Variants in ERC2 observed in about 807,000 individuals in gnomAD.
The protein encoded by ERC2 is ELKS/RAB6-interacting/CAST family member 2, also known as ERC protein 2.
ERC2 carries 42 observed loss-of-function variants against 114.8 expected under a neutral mutation model. The ratio of observed to expected loss-of-function variants is 0.37; its 90% CI spans 0.29 to 0.47. The LOEUF is 0.47. Ranked by LOEUF, ERC2 falls within the 20% of genes least tolerant of loss-of-function variation. The pLI is 0.99. For synonymous variants in ERC2, 454 were observed against 425.5 expected (o/e 1.07, Z -0.82); for missense variants, 939 against 1,150.7 (o/e 0.82, Z 2.66).
intron 14 of ERC2, among the ~76,000 whole-genome samples, chr3:55,829,525 A>AT: frequency 6.6e-6 from 1 of 152,190 alleles, no homozygotes; most frequent in Admixed American, 6.5e-5. Context: ...ATCAAAATAT[A>AT]TTTTTTCTTT....
At chr3:56,369,471 T>G (rs1303259891) in intron 2 of ERC2, among the ~76,000 whole-genome samples, 3 of 152,210 alleles carry the variant, frequency 2.0e-5, no homozygotes, top group Non-Finnish European at 4.4e-5. Flanking sequence ...AAAAAAGGAC[T>G]AATTATTACA....
At chr3:56,005,007 C>T (rs745398188) in intron 10 of ERC2, among the ~76,000 whole-genome samples, 1 of 151,672 alleles carries the variant, frequency 6.6e-6, no homozygotes, top group South Asian at 2.1e-4. Flanking sequence ...TTTTACGGAA[C>T]TATTTATTAG....
At chr3:55,752,168 T>C (rs1250339491) in intron 14 of ERC2, among the ~76,000 whole-genome samples, 1 of 152,198 alleles carries the variant, frequency 6.6e-6, no homozygotes, top group African/African-American at 2.4e-5. Context: ...AGTTATGGCC[T>C]GATTTCCCCA....
At chr3:56,262,902 T>C (rs1457526901) in intron 3 of ERC2, among the ~76,000 whole-genome samples, 2 of 152,212 alleles carry the variant, frequency 1.3e-5, no homozygotes, top group Non-Finnish European at 2.9e-5. Flanking sequence ...CCAAAGATTG[T>C]CACTTCTTCT....
At chr3:55,539,581 C>G (rs1234995155) in intron 17 of ERC2, among the ~76,000 whole-genome samples, 1 of 151,566 alleles carries the variant, frequency 6.6e-6, no homozygotes, top group Non-Finnish European at 1.5e-5. Context: ...TGCCACCATA[C>G]CAGGCTGATT....
chr3:55,855,113 A>G (rs1169624121), intron 14 of ERC2, among the ~76,000 whole-genome samples: 1 of 152,204 alleles, frequency 6.6e-6, no homozygotes, highest in Non-Finnish European at 1.5e-5. Context: ...CACTAAGGAA[A>G]CACTCAAAAG....
intron 14 of ERC2, among the ~76,000 whole-genome samples, chr3:55,860,114 C>T (rs978857604): frequency 6.6e-6 from 1 of 152,150 alleles, no homozygotes; most frequent in Non-Finnish European, 1.5e-5. Context: ...ACTTAGGCCT[C>T]GGTTCCTGCA....
Position 55,767,232 on chromosome 3 carries a change from G to A in ERC2, c.2565-32314C>T, listed in dbSNP as rs574155608. Among the ~76,000 whole-genome samples the A allele has an allele frequency of 8.5e-5, 13 of 152,340 alleles. 1 individual carries two copies. The South Asian group carries it at 1.4e-3, about 17-fold the overall frequency. The stretch of plus-strand genomic sequence containing the variant: ...CAGTGGCATAATTAGTTAGCATGCA[G>A]TGCTTATAAAATGTAAATTGCTCAG... On this transcript the variant is annotated intron_variant, in intron 14 of 17. Transcript: ENST00000288221.
In ERC2 at chr3:55,608,559, T is replaced by C. The variant is rs1481790733; in HGVS notation, c.*39+75235A>G. Among the ~76,000 whole-genome samples, 5 of 152,144 alleles carry C rather than the reference T, an allele frequency of 3.3e-5. No individual in the cohort carries two copies. The East Asian group carries it at 9.6e-4, about 29-fold the overall frequency. On this transcript the variant is annotated intron_variant, in intron 17 of 17. Transcript: ENST00000288221. Reference sequence around the variant, plus strand: ...CGCGATCAGCCCCGGCACTACCTCATGCAAGATAATCATCCCCAAATCACC... The same window carrying C: ...CGCGATCAGCCCCGGCACTACCTCACGCAAGATAATCATCCCCAAATCACC...
intron 13 of ERC2, among the ~76,000 whole-genome samples, chr3:55,889,123 G>A (rs1006312134): frequency 2.6e-5 from 4 of 152,106 alleles, no homozygotes; most frequent in Non-Finnish European, 5.9e-5. Flanking sequence ...ACCATTGAAG[G>A]AAGGCAACAC....
chr3:56,084,101 CAT>C (rs1328348981), intron 6 of ERC2, among the ~76,000 whole-genome samples: 5 of 151,886 alleles, frequency 3.3e-5, no homozygotes, highest in African/African-American at 1.2e-4. Context: ...ACCCAAAAAA[CAT>C]ATGAAAAATG....
At position 56,159,696 on chromosome 3, in the gene ERC2, C is replaced by T. The variant is rs185002035; in HGVS notation, c.1150-10564G>A. On this transcript the variant is annotated intron_variant, in intron 4 of 17. Transcript: ENST00000288221. ...TAGTAGTCCCCAGTTTCTATTGTTG[C>T]CATCTTTATGTCCATGAGTACTTGA... 1.3e-3 allele frequency among the ~76,000 whole-genome samples: 191 copies of T among 152,254 alleles called. 1 individual carries two copies. The highest frequency in any genetic ancestry group is 1.8e-3 in the Non-Finnish European group (121 of 68,008).
intron 15 of ERC2, among the ~76,000 whole-genome samples, chr3:55,723,802 A>T (rs141919825): frequency 6.6e-6 from 1 of 152,252 alleles, no homozygotes; most frequent in Non-Finnish European, 1.5e-5. Context: ...GACAAAATCA[A>T]TATCACTTTA....
intron 15 of ERC2, among the ~76,000 whole-genome samples, chr3:55,700,618 A>G (rs115320003): frequency 3.2e-4 from 49 of 152,204 alleles, no homozygotes; most frequent in African/African-American, 1.2e-3. Context: ...CCTCCTTTGT[A>G]TGTGCTGCTT....
intron 14 of ERC2, among the ~76,000 whole-genome samples, chr3:55,784,507 A>C (rs2069323066): frequency 6.6e-6 from 1 of 152,190 alleles, no homozygotes; most frequent in South Asian, 2.1e-4. Flanking sequence ...TGTGACGTTG[A>C]AATTCTTTAT....
intron 3 of ERC2, among the ~76,000 whole-genome samples, chr3:56,286,053 G>T (rs185221455): frequency 6.6e-6 from 1 of 152,086 alleles, no homozygotes; most frequent in Non-Finnish European, 1.5e-5. Context: ...GCAGACTTTC[G>T]TGATAACTGA....
chr3:55,862,493 AG>A (rs754103162), intron 14 of ERC2, among the ~76,000 whole-genome samples: 7 of 152,202 alleles, frequency 4.6e-5, no homozygotes, highest in Admixed American at 3.9e-4. Context: ...TGGCTATAAC[AG>A]GATAAACTAG....
rs149498019 is a variant in ERC2 at position 56,195,155 on chromosome 3, C to T, written c.1075-21635G>A. On this transcript the variant is annotated intron_variant, in intron 3 of 17. Transcript: ENST00000288221. ...GGCCATTATTAAGTAAATAAGGGTT[C>T]CTTGAACACAAGCACTACGATACCA... Among the ~76,000 whole-genome samples the T allele has an allele frequency of 5.3e-3, 814 of 152,156 alleles. 1 individual carries two copies. The highest frequency in any genetic ancestry group is 9.0e-3 in the Non-Finnish European group (611 of 68,000).
chr3:55,532,183 T>C (rs1244938430), intron 17 of ERC2, among the ~76,000 whole-genome samples: 3 of 152,198 alleles, frequency 2.0e-5, no homozygotes, highest in African/African-American at 2.4e-5. Flanking sequence ...GGGAAGACCA[T>C]AGAGCTGACT....
Sources: gnomAD v4.1 joint callset for allele counts (sites outside exome capture counted in the v4.1 genomes callset) on GRCh38, gnomAD v4.1.1 for gene constraint, MANE v1.5 for transcripts, NCBI Gene and HGNC (gene_info 2026-07-23, HGNC 2026-07-21) for gene names.